Variants in SLC5A11 observed in about 807,000 individuals in gnomAD.
The protein encoded by SLC5A11 is sodium/myo-inositol cotransporter 2.
SLC5A11 carries 48 observed loss-of-function variants against 69.8 expected under a neutral mutation model. That is an observed-to-expected ratio of 0.69 (90% CI 0.55 to 0.87). The LOEUF (loss-of-function observed/expected upper bound fraction) is 0.87, where lower values mean the gene tolerates loss of function less well. SLC5A11 is among the 40% of genes least tolerant of loss of function. The pLI, the probability that SLC5A11 is intolerant of heterozygous loss-of-function variation, is 0.00. For synonymous variants in SLC5A11, 319 were observed against 342.4 expected (o/e 0.93, Z 0.75); for missense variants, 784 against 866.1 (o/e 0.91, Z 1.19).
At chr16:24,897,860 C>G in intron 9 of SLC5A11, 114 bp from the exon 11 acceptor site, 5 of 1,367,170 alleles carry the variant, frequency 3.7e-6, no homozygotes, top group Non-Finnish European at 5.0e-6. Context: ...CCCACTGACT[C>G]CCTCCCACAA....
intron 12 of SLC5A11, among the ~76,000 whole-genome samples, chr16:24,907,542 T>A (rs1283700456): frequency 6.6e-6 from 1 of 151,978 alleles, no homozygotes; most frequent in Non-Finnish European, 1.5e-5. Flanking sequence ...TGAAACCTCA[T>A]CTCTACTAAA....
chr16:24,905,640 G>GCGCGCGCGCA (rs1443035551), intron 10 of SLC5A11, among the ~76,000 whole-genome samples: 114 of 136,774 alleles, frequency 8.3e-4, no homozygotes, highest in Middle Eastern at 3.5e-3. Context: ...GCGCGCGCGC[G>GCGCGCGCGCA]CACACACACA....
chr16:24,910,226 G>T, intron 14 of SLC5A11, 80 bp from the exon 16 acceptor site: 1 of 1,423,778 alleles, frequency 7.0e-7, no homozygotes, highest in South Asian at 1.3e-5. Context: ...GTGTGGGGTT[G>T]GGTGGGGAGT....
At chr16:24,901,108 A>G (rs1319841672) in intron 10 of SLC5A11, among the ~76,000 whole-genome samples, 11 of 152,172 alleles carry the variant, frequency 7.2e-5, no homozygotes, top group Non-Finnish European at 1.3e-4. Context: ...TGCATAAGCC[A>G]TTTAATGTCT....
intron 7 of SLC5A11, among the ~76,000 whole-genome samples, chr16:24,880,430 G>GATCAAGCAA (rs1199060870): frequency 3.9e-5 from 6 of 152,144 alleles, no homozygotes; most frequent in Non-Finnish European, 5.9e-5. Flanking sequence ...CACCTCCTGG[G>GATCAAGCAA]TTCAAGCAAT....
At chr16:24,891,921 T>C (rs766083408) in intron 9 of SLC5A11, among the ~76,000 whole-genome samples, 11 of 151,470 alleles carry the variant, frequency 7.3e-5, no homozygotes, top group Non-Finnish European at 1.6e-4. Flanking sequence ...GTCAAGGAGA[T>C]TGAGAGTGTG....
At chr16:24,851,214 T>C (rs896642176) in intron 1 of SLC5A11, among the ~76,000 whole-genome samples, 1 of 151,770 alleles carries the variant, frequency 6.6e-6, no homozygotes. Flanking sequence ...CAATGCAGTC[T>C]CAAACTCCTG....
chr16:24,907,263 T>C, intron 12 of SLC5A11, 88 bp downstream of exon 13: 8 of 1,488,112 alleles, frequency 5.4e-6, no homozygotes, highest in Non-Finnish European at 7.3e-6. Context: ...CAGCAACCTA[T>C]CCAGGCTGAA....
chr16:24,885,906 A>G (rs979294360), intron 8 of SLC5A11, among the ~76,000 whole-genome samples: 2 of 152,134 alleles, frequency 1.3e-5, no homozygotes, highest in Non-Finnish European at 2.9e-5. Flanking sequence ...GAAAAAGATT[A>G]CAGAAGATTA....
chr16:24,910,714 C>T (rs530614513), intron 15 of SLC5A11, among the ~76,000 whole-genome samples: 9 of 152,202 alleles, frequency 5.9e-5, no homozygotes, highest in East Asian at 3.9e-4. Flanking sequence ...TGAGTGCCTA[C>T]GGAGACACGG....
At chr16:24,891,962 G>A (rs1463025750) in intron 9 of SLC5A11, among the ~76,000 whole-genome samples, 4 of 150,620 alleles carry the variant, frequency 2.7e-5, no homozygotes, top group Admixed American at 1.3e-4. Flanking sequence ...GTGACAGGTG[G>A]CTCACACACT....
rs191587472 is a variant in SLC5A11 at position 24,880,378 on chromosome 16, T to C, written c.583+3015T>C. On this transcript the variant is annotated intron_variant, in intron 7 of 15. Transcript: ENST00000347898. ...TTTGAGATGGAGACTTACTCTTTCA[T>C]GGCTGGAGTGCAATGGTGCAATCTC... Among the ~76,000 whole-genome samples, 434 of 152,218 alleles carry C rather than the reference T, an allele frequency of 2.9e-3. 3 individuals are homozygous for C. The highest frequency in any genetic ancestry group is 3.3e-3 in the Non-Finnish European group (221 of 67,998).
intron 10 of SLC5A11, among the ~76,000 whole-genome samples, chr16:24,901,783 A>C (rs1399546648): frequency 1.3e-5 from 2 of 151,718 alleles, no homozygotes; most frequent in Non-Finnish European, 2.9e-5. Flanking sequence ...GGACAAAGAC[A>C]GAAATAAGTA....
chr16:24,849,593 A>ATATATATAT (rs61292571), intron 1 of SLC5A11, among the ~76,000 whole-genome samples: 5 of 35,900 alleles, frequency 1.4e-4, no homozygotes, highest in Non-Finnish European at 2.2e-4. Context: ...AAAAAAAAAA[A>ATATATATAT]ATATATATAT....
At chr16:24,907,225 C>T (rs1484440446) in intron 12 of SLC5A11, 50 bp downstream of exon 13, 1 of 1,601,082 alleles carries the variant, frequency 6.2e-7, no homozygotes, top group Non-Finnish European at 8.5e-7. Flanking sequence ...AGAGCTGAGC[C>T]CACCCAGAGG....
At chr16:24,888,717 C>T (rs1422796032) in intron 8 of SLC5A11, among the ~76,000 whole-genome samples, 1 of 147,540 alleles carries the variant, frequency 6.8e-6, no homozygotes, top group Non-Finnish European at 1.5e-5. Flanking sequence ...CTCCTGACCT[C>T]AGGCGATCTG....
chr16:24,852,668 G>A (rs1466448380), intron 1 of SLC5A11, among the ~76,000 whole-genome samples: 1 of 152,186 alleles, frequency 6.6e-6, no homozygotes, highest in Non-Finnish European at 1.5e-5. Flanking sequence ...AGTGGGCCCA[G>A]GTACACACAG....
chr16:24,886,293 A>C (rs922083134), intron 8 of SLC5A11, among the ~76,000 whole-genome samples: 3 of 152,140 alleles, frequency 2.0e-5, no homozygotes, highest in African/African-American at 7.2e-5. Flanking sequence ...TTGGCCTCCC[A>C]AAGTGCTGGG....
chr16:24,856,492 G>A (rs903948623), intron 1 of SLC5A11, among the ~76,000 whole-genome samples: 5 of 150,884 alleles, frequency 3.3e-5, no homozygotes, highest in Non-Finnish European at 7.4e-5. Flanking sequence ...AGTGGCTCAC[G>A]TCTGTAATCC....
Sources: gnomAD v4.1 joint callset for allele counts (sites outside exome capture counted in the v4.1 genomes callset) on GRCh38, gnomAD v4.1.1 for gene constraint, MANE v1.5 for transcripts, NCBI Gene and HGNC (gene_info 2026-07-23, HGNC 2026-07-21) for gene names.